Variants in ASXL2 observed in about 807,000 individuals in gnomAD.
The protein encoded by ASXL2 is ASXL transcriptional regulator 2.
Under a neutral mutation model 122.0 loss-of-function variants are expected in ASXL2, and 23 were observed. The observed-to-expected ratio is 0.19, with a 90% CI of 0.14 to 0.27. ASXL2 has a LOEUF of 0.27. Among genes scored for constraint, ASXL2 ranks in the 10% least tolerant of loss-of-function variants. The probability of loss-of-function intolerance (pLI) is 1.00; values close to 1 mark genes in which losing one functional copy is unlikely to be tolerated. For missense variants in ASXL2, 1,518 were observed against 1,713.8 expected, an observed-to-expected ratio of 0.89 and a Z score of 2.02; for synonymous variants, 650 against 637.0, an observed-to-expected ratio of 1.02 and a Z score of -0.31.
At chr2:25,867,722 T>C (rs983820604) in intron 1 of ASXL2, among the ~76,000 whole-genome samples, 3 of 152,220 alleles carry the variant, frequency 2.0e-5, no homozygotes, top group African/African-American at 7.2e-5. Flanking sequence ...CGACCTTTTC[T>C]GGTTTTGTCT....
Position 25,799,616 on chromosome 2 carries a change from C to T in ASXL2, c.253-81G>A. 2.0e-6 allele frequency: 3 copies of T among 1,478,226 alleles called. No individual in the cohort carries two copies. The South Asian group carries it at 4.1e-5, about 20-fold the overall frequency. The allele number at this position is 1,478,226 out of a possible 1,614,324, so 91.6% of individuals were successfully genotyped here. On this transcript the variant is annotated intron_variant, in intron 4 of 12. Coordinates refer to ENST00000435504, the MANE Select transcript of ASXL2 (RefSeq NM_018263.6). Reference sequence around the variant, plus strand: ...TTAAAACTTCTGATATGCAATGTTGCAACTTAATTGCACTAATTTTTGTTA... The same window carrying T: ...TTAAAACTTCTGATATGCAATGTTGTAACTTAATTGCACTAATTTTTGTTA...
intron 7 of ASXL2, 32 bp from the exon 8 acceptor site, chr2:25,767,758 A>G: frequency 6.2e-7 from 1 of 1,610,802 alleles, no homozygotes; most frequent in Non-Finnish European, 8.5e-7. Context: ...AAAGACTGGT[A>G]GCACTGAGAT....
At chr2:25,864,685 CAG>C (rs1299994793) in intron 1 of ASXL2, among the ~76,000 whole-genome samples, 2 of 151,894 alleles carry the variant, frequency 1.3e-5, no homozygotes, top group African/African-American at 4.8e-5. Flanking sequence ...AAAAAATTCT[CAG>C]GGGTCACACT....
rs375609568 is a variant in ASXL2 at position 25,801,012 on chromosome 2, G to C, written c.253-1477C>G. Among the ~76,000 whole-genome samples the C allele has an allele frequency of 1.2e-4, 18 of 152,136 alleles. No individual in the cohort carries two copies. The East Asian group carries it at 3.1e-3, about 26-fold the overall frequency. On this transcript the variant is annotated intron_variant, in intron 4 of 12. Transcript: ENST00000435504. ...TGCAATCACAGCTCACTGTAGCCTCGACCTCCCAGGCGCAAGCAATCTTCC... is the reference window on the plus strand; with the variant it reads ...TGCAATCACAGCTCACTGTAGCCTCCACCTCCCAGGCGCAAGCAATCTTCC...
chr2:25,770,956 G>A (rs1036970781), intron 6 of ASXL2, among the ~76,000 whole-genome samples: 1 of 152,034 alleles, frequency 6.6e-6, no homozygotes, highest in Non-Finnish European at 1.5e-5. Context: ...AGTATCTACC[G>A]GCCAGGTGCG....
intron 6 of ASXL2, among the ~76,000 whole-genome samples, chr2:25,769,466 G>A (rs1324036752): frequency 6.6e-6 from 1 of 152,078 alleles, no homozygotes; most frequent in Non-Finnish European, 1.5e-5. Context: ...AGTAAACAGA[G>A]GGGGAAGACT....
At chr2:25,757,504 A>AAC (rs550460261) in intron 9 of ASXL2, among the ~76,000 whole-genome samples, 1,913 of 148,756 alleles carry the variant, frequency 0.013, 40 homozygotes, top group African/African-American at 0.044. Context: ...AGAAAAAGAA[A>AAC]ACACACACAC....
intron 2 of ASXL2, among the ~76,000 whole-genome samples, chr2:25,841,062 C>T (rs2089573069): frequency 6.6e-6 from 1 of 152,124 alleles, no homozygotes; most frequent in Admixed American, 6.5e-5. Context: ...CTTTGGGAGG[C>T]CAAGGCAGGA....
intron 1 of ASXL2, among the ~76,000 whole-genome samples, chr2:25,865,720 A>C (rs567671114): frequency 1.1e-4 from 14 of 132,720 alleles, no homozygotes; most frequent in African/African-American, 3.7e-4. Flanking sequence ...GCTTGCAGTG[A>C]GCCGAGATCG....
intron 1 of ASXL2, among the ~76,000 whole-genome samples, chr2:25,865,231 G>C (rs994822467): frequency 1.4e-5 from 2 of 145,542 alleles, no homozygotes; most frequent in African/African-American, 2.5e-5. Flanking sequence ...AGGAGTTTGA[G>C]ACCAGCCTGG....
At chr2:25,776,634 C>T (rs1038919217) in intron 5 of ASXL2, among the ~76,000 whole-genome samples, 1 of 152,202 alleles carries the variant, frequency 6.6e-6, no homozygotes, top group African/African-American at 2.4e-5. Flanking sequence ...TACAAGGCCA[C>T]TTTCTTTATA....
intron 5 of ASXL2, among the ~76,000 whole-genome samples, chr2:25,772,409 G>A (rs1218596796): frequency 6.6e-6 from 1 of 152,086 alleles, no homozygotes; most frequent in Non-Finnish European, 1.5e-5. Flanking sequence ...ATATCCCATG[G>A]TAAGGGCAAT....
chr2:25,863,247 T>C (rs1435677755), intron 1 of ASXL2, among the ~76,000 whole-genome samples: 2 of 147,824 alleles, frequency 1.4e-5, no homozygotes, highest in East Asian at 2.1e-4. Context: ...GGAGAATCGC[T>C]TGAACCCAGG....
intron 3 of ASXL2, among the ~76,000 whole-genome samples, chr2:25,824,607 A>T (rs2089354000): frequency 6.6e-6 from 1 of 152,140 alleles, no homozygotes. Flanking sequence ...AATCGAACAA[A>T]ATCAGAAACT....
intron 5 of ASXL2, among the ~76,000 whole-genome samples, chr2:25,792,621 G>A (rs969851374): frequency 4.0e-5 from 6 of 150,174 alleles, no homozygotes; most frequent in African/African-American, 1.5e-4. Context: ...TTTTTTTCTT[G>A]AAACAGTGTC....
intron 5 of ASXL2, among the ~76,000 whole-genome samples, chr2:25,794,783 A>G (rs941082580): frequency 6.6e-6 from 1 of 152,184 alleles, no homozygotes; most frequent in Non-Finnish European, 1.5e-5. Context: ...AATGCATTTG[A>G]AATAAAGTGA....
chr2:25,839,079 T>C (rs2149190090), intron 2 of ASXL2, among the ~76,000 whole-genome samples: 1 of 152,318 alleles, frequency 6.6e-6, no homozygotes, highest in Non-Finnish European at 1.5e-5. Flanking sequence ...GCAAACTGTC[T>C]ACAGAAAAAC....
intron 4 of ASXL2, among the ~76,000 whole-genome samples, chr2:25,800,011 T>C (rs1359378630): frequency 6.8e-6 from 1 of 146,118 alleles, no homozygotes; most frequent in Non-Finnish European, 1.5e-5. Context: ...AAAAAAAAAT[T>C]AGCTGGGCAT....
intron 10 of ASXL2, among the ~76,000 whole-genome samples, chr2:25,754,100 T>C (rs1305652598): frequency 1.3e-5 from 2 of 152,188 alleles, no homozygotes; most frequent in Non-Finnish European, 2.9e-5. Context: ...AGAAAAGCTA[T>C]GGCCCTAGCA....
Sources: gnomAD v4.1 joint callset for allele counts (sites outside exome capture counted in the v4.1 genomes callset) on GRCh38, gnomAD v4.1.1 for gene constraint, MANE v1.5 for transcripts, NCBI Gene and HGNC (gene_info 2026-07-23, HGNC 2026-07-21) for gene names.